Variants in BCAS3 observed in about 807,000 individuals in gnomAD.
BCAS3 encodes the protein BCAS3 microtubule associated cell migration factor.
BCAS3 carries 53 observed loss-of-function variants against 116.1 expected under a neutral mutation model. The observed-to-expected ratio is 0.46, with a 90% CI of 0.37 to 0.57. BCAS3 has a LOEUF of 0.57. Ranked by LOEUF, BCAS3 falls within the 20% of genes least tolerant of loss-of-function variation. BCAS3 has a pLI of 0.00. For missense variants in BCAS3, 917 were observed against 1,165.4 expected (o/e 0.79, Z 3.10); for synonymous variants, 391 against 408.2 (o/e 0.96, Z 0.51).
At chr17:61,185,102 C>T (rs947095580) in intron 22 of BCAS3, among the ~76,000 whole-genome samples, 1 of 151,444 alleles carries the variant, frequency 6.6e-6, no homozygotes, top group African/African-American at 2.4e-5. Context: ...AAATTAAAGC[C>T]CTTACAAAGC....
chr17:61,015,712 C>G (rs1327514471), intron 15 of BCAS3, 39 bp from the exon 16 acceptor site: 1 of 1,606,938 alleles, frequency 6.2e-7, no homozygotes, highest in Non-Finnish European at 8.5e-7. Context: ...GATAGAGAAC[C>G]TTCCTCAGTG....
Position 61,161,818 on chromosome 17 carries a change from G to A in BCAS3, c.2425+77254G>A, listed in dbSNP as rs1479813252. On this transcript the variant is annotated intron_variant, in intron 22 of 23. Transcript: ENST00000407086. The surrounding 1 kb of genome is among the most constrained non-coding windows in gnomAD (Gnocchi z 4.8). ...CTCCTCAGCTTATATTTAACTCGTC[G>A]CTTGTTCTGGAAAAGTAGTAGTACT... is the stretch of plus-strand genomic sequence containing the variant. 1.3e-5 allele frequency among the ~76,000 whole-genome samples: 2 copies of A among 152,082 alleles called. No homozygotes were observed. Among genetic ancestry groups the A allele is most frequent in the African/African-American group, 4.8e-5 (2 of 41,394 alleles).
chr17:61,264,807 G>T (rs2049533192), intron 22 of BCAS3, among the ~76,000 whole-genome samples: 1 of 152,160 alleles, frequency 6.6e-6, no homozygotes, highest in South Asian at 2.1e-4. Flanking sequence ...CATGAGAATG[G>T]GAAATGGCAC....
chr17:60,989,855 T>C, intron 14 of BCAS3, 116 bp from the exon 15 acceptor site: 1 of 1,123,776 alleles, frequency 8.9e-7, no homozygotes, highest in South Asian at 1.5e-5. Context: ...TACCTGATCT[T>C]AGGTACATTT....
At chr17:60,754,672 A>G (rs1211227371) in intron 6 of BCAS3, among the ~76,000 whole-genome samples, 1 of 150,400 alleles carries the variant, frequency 6.6e-6, no homozygotes, top group Non-Finnish European at 1.5e-5. Context: ...CAGATGTAAA[A>G]TTTAAAATAC....
At chr17:60,988,109 T>A (rs2063267206) in intron 14 of BCAS3, among the ~76,000 whole-genome samples, 2 of 152,072 alleles carry the variant, frequency 1.3e-5, no homozygotes, top group African/African-American at 4.8e-5. Context: ...CATTATTCTC[T>A]TGATAGAACA....
chr17:61,358,551 G>A (rs539522435), intron 22 of BCAS3, among the ~76,000 whole-genome samples: 17 of 147,626 alleles, frequency 1.2e-4, no homozygotes. Context: ...ACCCAGGCTG[G>A]AGTGCAGTGC....
rs567115776 is a variant in BCAS3, at chr17:61,348,422, G to T, written c.2426-19905G>T. Among the ~76,000 whole-genome samples, 1 of 152,292 alleles carries T rather than the reference G, an allele frequency of 6.6e-6. No individual in the cohort carries two copies. The highest frequency in any genetic ancestry group is 2.4e-5 in the African/African-American group (1 of 41,558). On this transcript the variant is annotated intron_variant, in intron 22 of 23. Transcript: ENST00000407086. This position sits in a 1 kb window ranked among gnomAD's most constrained non-coding sequence, Gnocchi z 4.5. ...CTGAGTTAGAGGTGCAGTTTTGGAA[G>T]TCAGTAGCATATAGGTAGTACTGGG... is the stretch of plus-strand genomic sequence containing the variant.
At chr17:60,902,510 C>T (rs2057961068) in intron 10 of BCAS3, 110 bp from the exon 11 acceptor site, 2 of 853,410 alleles carry the variant, frequency 2.3e-6, no homozygotes, top group African/African-American at 3.4e-5. Context: ...GCAAACATTC[C>T]CACCCATCAC....
rs2077566093 is a variant in BCAS3, at chr17:61,151,971, C to T, written c.2425+67407C>T. ...CGGAAGGGCAAGGATTCTCTGTGTGCCCAGGGAAAGTGGTTTTATGATAGG... is the reference window on the plus strand; with the variant it reads ...CGGAAGGGCAAGGATTCTCTGTGTGTCCAGGGAAAGTGGTTTTATGATAGG... On this transcript the variant is annotated intron_variant, in intron 22 of 23. Transcript: ENST00000407086. The surrounding 1 kb of genome is among the most constrained non-coding windows in gnomAD (Gnocchi z 4.8). Among the ~76,000 whole-genome samples the T allele has an allele frequency of 6.6e-6, 1 of 152,132 alleles. No individual in the cohort carries two copies. The highest frequency in any genetic ancestry group is 6.5e-5 in the Admixed American group (1 of 15,272).
Position 61,002,073 on chromosome 17 carries a change from C to T in BCAS3, c.1486+11838C>T, listed in dbSNP as rs190491987. Among the ~76,000 whole-genome samples, 448 of 151,880 alleles carry T rather than the reference C, an allele frequency of 2.9e-3. 5 individuals carry two copies. Among genetic ancestry groups the T allele is most frequent in the African/African-American group, 0.01 (418 of 41,460 alleles). On this transcript the variant is annotated intron_variant, in intron 15 of 23. Transcript: ENST00000407086. ...AAAATTGAGAGAAAGGTATAGATAA[C>T]GTAGTTTTGGGGGGAAATAAAATTG...
Position 61,368,610 on chromosome 17 carries a change from T to A in BCAS3, c.2593+116T>A. Reference sequence around the variant, plus strand: ...TTGTTTTTGCTGTTGGTTTCTTTAGTTAGCACTCCAGTGGCTATCCGTCTG... The same window carrying A: ...TTGTTTTTGCTGTTGGTTTCTTTAGATAGCACTCCAGTGGCTATCCGTCTG... On this transcript the variant is annotated intron_variant, in intron 23 of 23. Transcript: ENST00000407086. The surrounding 1 kb of genome is among the most constrained non-coding windows in gnomAD (Gnocchi z 6.0). 3.3e-6 allele frequency: 4 copies of A among 1,227,372 alleles called. No individual in the cohort carries two copies. In the South Asian group the frequency reaches 4.8e-5, roughly 15 times the overall value. The allele number at this position is 1,227,372 out of a possible 1,614,324, so 76.0% of individuals were successfully genotyped here.
Position 61,352,535 on chromosome 17 carries a change from T to G in BCAS3, c.2426-15792T>G. ...AACATCCTGGTTGGCCTCGGTGGAG[T>G]AGAAGTGGAGGGAAGGAGGGGTGAT... On this transcript the variant is annotated intron_variant, in intron 22 of 23. Transcript: ENST00000407086. This position sits in a 1 kb window ranked among gnomAD's most constrained non-coding sequence, Gnocchi z 4.7. Among the ~76,000 whole-genome samples, 1 of 150,372 alleles carries G rather than the reference T, an allele frequency of 6.7e-6. No individual in the cohort carries two copies. The highest frequency in any genetic ancestry group is 2.5e-5 in the African/African-American group (1 of 40,756).
rs1012280184 is a variant in BCAS3, at chr17:61,261,066, A to G, written c.2426-107261A>G. On this transcript the variant is annotated intron_variant, in intron 22 of 23. Transcript: ENST00000407086. This position sits in a 1 kb window ranked among gnomAD's most constrained non-coding sequence, Gnocchi z 4.4. ...TGAATGCTCTCCCAAACTATCATCA[A>G]ACGCATTTATCTAATTTGACACATT... Among the ~76,000 whole-genome samples the G allele has an allele frequency of 6.6e-6, 1 of 152,218 alleles. No homozygotes were observed. Among genetic ancestry groups the G allele is most frequent in the African/African-American group, 2.4e-5 (1 of 41,448 alleles).
intron 5 of BCAS3, among the ~76,000 whole-genome samples, chr17:60,716,515 C>A (rs892550406): frequency 1.3e-5 from 2 of 151,950 alleles, no homozygotes; most frequent in Non-Finnish European, 2.9e-5. Flanking sequence ...CACGCCTATA[C>A]TCCCAACACT....
intron 22 of BCAS3, among the ~76,000 whole-genome samples, chr17:61,172,905 G>A (rs1387243910): frequency 5.3e-5 from 8 of 151,252 alleles, no homozygotes; most frequent in South Asian, 2.1e-4. Flanking sequence ...GGAGCATGGC[G>A]TGAACCCGGG....
chr17:61,085,305 A>G (rs1190212078), intron 22 of BCAS3, among the ~76,000 whole-genome samples: 1 of 152,204 alleles, frequency 6.6e-6, no homozygotes, highest in East Asian at 1.9e-4. Flanking sequence ...ATTTTGTCCA[A>G]AAATTCTCTC....
Position 61,126,612 on chromosome 17 carries a change from A to G in BCAS3, c.2425+42048A>G, listed in dbSNP as rs193172970. Reference sequence around the variant, plus strand: ...CCACTAGTTTTGAAAGTTGAGCCAGACCAGGAAAAATCAGGATACAATTTG... The same window carrying G: ...CCACTAGTTTTGAAAGTTGAGCCAGGCCAGGAAAAATCAGGATACAATTTG... On this transcript the variant is annotated intron_variant, in intron 22 of 23. Transcript: ENST00000407086. This position sits in a 1 kb window ranked among gnomAD's most constrained non-coding sequence, Gnocchi z 4.6. Among the ~76,000 whole-genome samples the G allele has an allele frequency of 2.6e-5, 4 of 152,334 alleles. No individual in the cohort carries two copies. The highest frequency in any genetic ancestry group is 9.6e-5 in the African/African-American group (4 of 41,574).
chr17:61,070,027 C>A, intron 19 of BCAS3: 1 of 1,594,660 alleles, frequency 6.3e-7, no homozygotes, highest in Non-Finnish European at 8.5e-7. Flanking sequence ...GAAGACACTG[C>A]GACTCTGGAG....
Sources: allele counts gnomAD v4.1 joint callset (sites outside exome capture counted in the v4.1 genomes callset), GRCh38; gene constraint gnomAD v4.1.1; non-coding constraint Gnocchi (gnomAD v3.1); transcripts MANE v1.5; gene names NCBI Gene and HGNC (gene_info 2026-07-23, HGNC 2026-07-21).